The following APBA1 variants were observed in gnomAD, a reference collection of about 807,000 sequenced individuals.
APBA1 encodes amyloid beta precursor protein binding family A member 1.
In APBA1, 55 loss-of-function variants were observed where a neutral mutation model predicts 86.6. That is an observed-to-expected ratio of 0.64 (90% CI 0.51 to 0.80). APBA1 has a LOEUF of 0.80. Ranked by LOEUF, APBA1 falls within the 30% of genes least tolerant of loss-of-function variation. The pLI, the probability that APBA1 is intolerant of heterozygous loss-of-function variation, is 0.00. For synonymous variants in APBA1, 511 were observed against 493.9 expected (o/e 1.03, Z -0.46); for missense variants, 1,090 against 1,183.0 (o/e 0.92, Z 1.15).
chr9:69,604,425 TATATG>T, intron 1 of APBA1, among the ~76,000 whole-genome samples: 1 of 105,968 alleles, frequency 9.4e-6, no homozygotes, highest in Non-Finnish European at 1.8e-5. Flanking sequence ...TGGGCACACA[TATATG>T]AGAGTAAGTG....
intron 1 of APBA1, among the ~76,000 whole-genome samples, chr9:69,538,358 GGGGGT>G (rs1836547099): frequency 6.6e-6 from 1 of 152,204 alleles, no homozygotes; most frequent in Admixed American, 6.5e-5. Context: ...ATACCCTGGA[GGGGGT>G]GGAAAATCTG....
intron 9 of APBA1, 60 bp downstream of exon 9, chr9:69,452,062 A>G (rs1835019180): frequency 6.5e-7 from 1 of 1,538,686 alleles, no homozygotes; most frequent in Non-Finnish European, 8.9e-7. Flanking sequence ...AGGGTGCCCC[A>G]CTTTCCAAGC....
chr9:69,617,882 A>G (rs1186873010), intron 1 of APBA1, among the ~76,000 whole-genome samples: 1 of 152,104 alleles, frequency 6.6e-6, no homozygotes, highest in Non-Finnish European at 1.5e-5. Flanking sequence ...CAGAAGATCA[A>G]GTTTGGGTGT....
chr9:69,440,904 C>G, intron 11 of APBA1, 92 bp downstream of exon 11: 2 of 1,480,274 alleles, frequency 1.4e-6, no homozygotes, highest in Non-Finnish European at 1.8e-6. Flanking sequence ...TGGAGCTGTT[C>G]CTATTTAGCC....
intron 1 of APBA1, among the ~76,000 whole-genome samples, chr9:69,581,356 A>G (rs1379310485): frequency 6.6e-6 from 1 of 151,060 alleles, no homozygotes; most frequent in African/African-American, 2.4e-5. Context: ...TAGTGTATTC[A>G]GAAATATTAG....
chr9:69,653,654 T>C (rs4744925), intron 1 of APBA1, among the ~76,000 whole-genome samples: 148,531 of 152,342 alleles, frequency 0.97, 72,519 homozygotes, highest in East Asian at 1. Flanking sequence ...CAGAAGGAAC[T>C]TTGGAAAGTA....
intron 5 of APBA1, among the ~76,000 whole-genome samples, chr9:69,467,128 T>A (rs1303665898): frequency 6.6e-6 from 1 of 152,228 alleles, no homozygotes; most frequent in Non-Finnish European, 1.5e-5. Context: ...TGGTGGAGAT[T>A]CTAGAGCTCT....
chr9:69,482,931 G>C (rs936042912), intron 2 of APBA1, among the ~76,000 whole-genome samples: 1 of 133,030 alleles, frequency 7.5e-6, no homozygotes, highest in African/African-American at 2.8e-5. Flanking sequence ...AGATCGCATG[G>C]ACACAGGAAG....
intron 1 of APBA1, among the ~76,000 whole-genome samples, chr9:69,620,373 A>G (rs1238039947): frequency 6.6e-6 from 1 of 152,162 alleles, no homozygotes; most frequent in Non-Finnish European, 1.5e-5. Context: ...ATCCCTAGAG[A>G]CTGATGGTCA....
intron 2 of APBA1, among the ~76,000 whole-genome samples, chr9:69,486,111 C>A (rs1458357036): frequency 6.6e-6 from 1 of 151,970 alleles, no homozygotes; most frequent in Non-Finnish European, 1.5e-5. Flanking sequence ...ACCACCACAC[C>A]CAGCTAATTT....
At chr9:69,649,229 C>T (rs1823449544) in intron 1 of APBA1, among the ~76,000 whole-genome samples, 1 of 152,136 alleles carries the variant, frequency 6.6e-6, no homozygotes, top group Admixed American at 6.5e-5. Flanking sequence ...TCTTTTGCCC[C>T]TTTTCCAATC....
At chr9:69,639,451 T>C (rs893924723) in intron 1 of APBA1, among the ~76,000 whole-genome samples, 2 of 151,910 alleles carry the variant, frequency 1.3e-5, no homozygotes, top group Non-Finnish European at 2.9e-5. Flanking sequence ...AAGTAGAAAA[T>C]ATAAAGGATG....
chr9:69,622,447 G>C (rs897538093), intron 1 of APBA1, among the ~76,000 whole-genome samples: 2 of 152,214 alleles, frequency 1.3e-5, no homozygotes, highest in Admixed American at 1.3e-4. Flanking sequence ...GCAGAGGGAA[G>C]TGCTGTTGGA....
At chr9:69,615,156 C>T (rs997959437) in intron 1 of APBA1, among the ~76,000 whole-genome samples, 1 of 152,206 alleles carries the variant, frequency 6.6e-6, no homozygotes, top group African/African-American at 2.4e-5. Context: ...GCCGAGATCA[C>T]GCCACTGCGT....
intron 2 of APBA1, among the ~76,000 whole-genome samples, chr9:69,491,644 T>C (rs1000866334): frequency 4.6e-5 from 7 of 151,362 alleles, no homozygotes; most frequent in African/African-American, 1.7e-4. Context: ...CCTAAGACAA[T>C]GGGTTTAGTC....
chr9:69,660,450 C>T (rs1483990006), intron 1 of APBA1, among the ~76,000 whole-genome samples: 1 of 152,214 alleles, frequency 6.6e-6, no homozygotes, highest in Non-Finnish European at 1.5e-5. Context: ...CAAAGCTAAA[C>T]ATCTGGCCAC....
intron 1 of APBA1, among the ~76,000 whole-genome samples, chr9:69,653,242 G>A (rs192864294): frequency 1.4e-4 from 21 of 152,290 alleles, no homozygotes; most frequent in African/African-American, 4.8e-4. Flanking sequence ...AAAGTGGCCA[G>A]TACAGCAAGA....
chr9:69,456,338 G>C lies in APBA1; in HGVS notation c.1697C>G (p.Ser566Cys), dbSNP rs557817337. Reference protein sequence around the residue: ...VLMARRRMPRSNSQENVEASH... With the variant: ...VLMARRRMPRCNSQENVEASH... ...CGCTTCCACGTTCTCCTGGGAGTTG[G>C]AGCGAGGCATCCGCCGGCGGGCCAT... Residue 566 changes from serine to cysteine, a missense_variant, in exon 8 of 13, where the codon TCC becomes TGC. By Grantham distance (112) the Ser-to-Cys change is moderately radical (BLOSUM62 -1). Around this residue, in one of 6 missense-constraint regions of APBA1, gnomAD observed 103 missense variants for 91.9 expected, o/e 1.12. Transcript: ENST00000265381. The C allele has an allele frequency of 2.0e-5, 32 of 1,614,146 alleles. 1 individual carries two copies. In the South Asian group the frequency reaches 3.5e-4, roughly 18 times the overall value.
intron 8 of APBA1, among the ~76,000 whole-genome samples, chr9:69,454,427 T>C (rs542366921): frequency 1.3e-5 from 2 of 152,328 alleles, no homozygotes; most frequent in East Asian, 1.9e-4. Flanking sequence ...CCACTAGCCA[T>C]GTGCCACACA....
Sources: allele counts gnomAD v4.1 joint callset (sites outside exome capture counted in the v4.1 genomes callset), GRCh38; gene constraint gnomAD v4.1.1; regional missense constraint gnomAD v4.1.1; transcripts MANE v1.5; gene names NCBI Gene and HGNC (gene_info 2026-07-23, HGNC 2026-07-21).